Variants in ADGRV1 observed in about 807,000 individuals in gnomAD.
ADGRV1 encodes adhesion G protein-coupled receptor V1.
A neutral mutation model predicts 596.2 loss-of-function variants in ADGRV1; 359 were observed. The ratio of observed to expected loss-of-function variants is 0.60; its 90% CI spans 0.55 to 0.66. ADGRV1 has a LOEUF of 0.66. Among genes scored for constraint, ADGRV1 ranks in the 30% least tolerant of loss-of-function variants. ADGRV1 has a pLI of 0.00. For missense variants in ADGRV1, 7,274 were observed against 7,575.6 expected (o/e 0.96, Z 1.48); for synonymous variants, 2,681 against 2,679.2 (o/e 1.00, Z -0.02).
intron 85 of ADGRV1, among the ~76,000 whole-genome samples, chr5:91,026,498 A>G (rs1247700262): frequency 1.3e-5 from 2 of 152,180 alleles, no homozygotes; most frequent in Non-Finnish European, 2.9e-5. Context: ...TTAAACCTCT[A>G]TTCTTGATAT....
chr5:90,973,604 A>G (rs1276247838), intron 84 of ADGRV1, among the ~76,000 whole-genome samples: 2 of 152,230 alleles, frequency 1.3e-5, no homozygotes, highest in East Asian at 3.8e-4. Context: ...CAAAAACCAC[A>G]TGATTATCTC....
intron 34 of ADGRV1, among the ~76,000 whole-genome samples, chr5:90,700,495 T>G (rs1353081120): frequency 1.3e-5 from 2 of 152,180 alleles, no homozygotes; most frequent in African/African-American, 4.8e-5. Flanking sequence ...GGACAGAATT[T>G]AGAAATATGG....
At chr5:91,126,027 C>G (rs1793719656) in intron 87 of ADGRV1, among the ~76,000 whole-genome samples, 1 of 152,226 alleles carries the variant, frequency 6.6e-6, no homozygotes, top group Non-Finnish European at 1.5e-5. Flanking sequence ...GTAACATCTT[C>G]TGATGCAACC....
At chr5:90,801,330 G>A (rs1007448688) in intron 70 of ADGRV1, among the ~76,000 whole-genome samples, 62 of 152,074 alleles carry the variant, frequency 4.1e-4, no homozygotes, top group Non-Finnish European at 7.4e-4. Context: ...TGTGTGTACC[G>A]GATGGGCCTG....
intron 85 of ADGRV1, among the ~76,000 whole-genome samples, chr5:91,009,946 A>T (rs1782590660): frequency 6.6e-6 from 1 of 152,118 alleles, no homozygotes; most frequent in Non-Finnish European, 1.5e-5. Context: ...TGTTTCTTAA[A>T]ACATCACAAG....
intron 21 of ADGRV1, among the ~76,000 whole-genome samples, chr5:90,666,454 T>G (rs529902299): frequency 4.4e-4 from 67 of 152,148 alleles, no homozygotes; most frequent in Middle Eastern, 3.4e-3. Context: ...TTTTTTTGTT[T>G]TCCATTTGCT....
At chr5:90,661,482 C>T (rs1770284777) in intron 21 of ADGRV1, among the ~76,000 whole-genome samples, 1 of 152,138 alleles carries the variant, frequency 6.6e-6, no homozygotes, top group African/African-American at 2.4e-5. Context: ...TCCGATATCA[C>T]CAATCATCAC....
chr5:91,010,681 C>T (rs1301513723), intron 85 of ADGRV1, among the ~76,000 whole-genome samples: 1 of 151,906 alleles, frequency 6.6e-6, no homozygotes, highest in African/African-American at 2.4e-5. Context: ...ACAGTGGAAA[C>T]CTTCTGTAAA....
intron 85 of ADGRV1, among the ~76,000 whole-genome samples, chr5:91,053,022 C>T (rs1480315568): frequency 1.3e-5 from 2 of 152,032 alleles, no homozygotes; most frequent in Non-Finnish European, 2.9e-5. Flanking sequence ...ATTATTTTAC[C>T]TCTACTACAC....
chr5:90,676,292 C>G (rs1744209174), intron 25 of ADGRV1, 83 bp downstream of exon 25: 1 of 1,263,866 alleles, frequency 7.9e-7, no homozygotes, highest in South Asian at 1.5e-5. Flanking sequence ...GAAGTAAGTT[C>G]CTTTGAATTA....
intron 21 of ADGRV1, among the ~76,000 whole-genome samples, chr5:90,664,192 A>G (rs1368597015): frequency 6.8e-6 from 1 of 147,870 alleles, no homozygotes; most frequent in East Asian, 2.0e-4. Context: ...GAATCTGTAA[A>G]TTACCTTGGG....
intron 79 of ADGRV1, among the ~76,000 whole-genome samples, chr5:90,849,694 G>A (rs1327475587): frequency 1.3e-5 from 2 of 152,224 alleles, no homozygotes; most frequent in East Asian, 3.9e-4. Context: ...CCAGCCCAAT[G>A]TTAGTTCCTA....
At chr5:90,700,726 T>C (rs779470686) in intron 34 of ADGRV1, among the ~76,000 whole-genome samples, 8 of 152,200 alleles carry the variant, frequency 5.3e-5, no homozygotes, top group Admixed American at 2.0e-4. Flanking sequence ...AGAACCGCTC[T>C]ACTGGAAACA....
chr5:90,803,109 T>C (rs1375538198), intron 71 of ADGRV1, among the ~76,000 whole-genome samples: 1 of 152,044 alleles, frequency 6.6e-6, no homozygotes, highest in Non-Finnish European at 1.5e-5. Flanking sequence ...CTTCTTGATA[T>C]TTTGTATCTA....
chr5:91,009,621 C>G (rs1782562980), intron 85 of ADGRV1, among the ~76,000 whole-genome samples: 1 of 151,952 alleles, frequency 6.6e-6, no homozygotes, highest in African/African-American at 2.4e-5. Flanking sequence ...TGGAAATTTT[C>G]TTTTCTAAAA....
At chr5:91,099,680 C>G (rs1791198231) in intron 86 of ADGRV1, among the ~76,000 whole-genome samples, 1 of 152,034 alleles carries the variant, frequency 6.6e-6, no homozygotes. Context: ...CCGAGGTGGG[C>G]AGATCACCTG....
chr5:90,801,978 G>T (rs939669360), intron 70 of ADGRV1, among the ~76,000 whole-genome samples: 3 of 152,054 alleles, frequency 2.0e-5, no homozygotes, highest in African/African-American at 7.3e-5. Context: ...TTCATTTTGA[G>T]TAAATATGAT....
chr5:90,961,507 A>AAAGG (rs1554178779), intron 83 of ADGRV1, among the ~76,000 whole-genome samples: 1 of 82,020 alleles, frequency 1.2e-5, no homozygotes, highest in Non-Finnish European at 2.2e-5. Context: ...AAAAAAAAAA[A>AAAGG]GGGGGGGTGG....
chr5:90,934,170 C>T (rs1404805302), intron 83 of ADGRV1, among the ~76,000 whole-genome samples: 1 of 152,200 alleles, frequency 6.6e-6, no homozygotes, highest in South Asian at 2.1e-4. Flanking sequence ...CATCTCTCCC[C>T]TTCCGACCCT....
Sources: allele counts gnomAD v4.1 joint callset (sites outside exome capture counted in the v4.1 genomes callset), GRCh38; gene constraint gnomAD v4.1.1; transcripts MANE v1.5; gene names NCBI Gene and HGNC (gene_info 2026-07-23, HGNC 2026-07-21).